Variants in CDH4 observed in about 807,000 individuals in gnomAD.
The protein encoded by CDH4 is cadherin 4.
CDH4 carries 33 observed loss-of-function variants against 86.0 expected under a neutral mutation model. The ratio of observed to expected loss-of-function variants is 0.38; its 90% CI spans 0.29 to 0.51. CDH4 has a LOEUF of 0.51. CDH4 is among the 20% of genes least tolerant of loss of function. The pLI is 0.86. For missense variants in CDH4, 1,114 were observed against 1,307.4 expected, an observed-to-expected ratio of 0.85 and a Z score of 2.28; for synonymous variants, 555 against 549.4, an observed-to-expected ratio of 1.01 and a Z score of -0.14.
chr20:61,852,930 C>T (rs1294484210), intron 6 of CDH4, 32 bp downstream of exon 6: 1 of 1,610,404 alleles, frequency 6.2e-7, no homozygotes, highest in Non-Finnish European at 8.5e-7. Flanking sequence ...TGCTGGAGAC[C>T]CTGTGGGCTC....
intron 2 of CDH4, among the ~76,000 whole-genome samples, chr20:61,496,956 A>ATTTTTT (rs59603072): frequency 9.2e-6 from 1 of 108,590 alleles, no homozygotes. Flanking sequence ...TTGGGGATTG[A>ATTTTTT]TTTTTTTTTT....
At chr20:61,737,045 G>A (rs2088274860) in intron 2 of CDH4, among the ~76,000 whole-genome samples, 1 of 152,172 alleles carries the variant, frequency 6.6e-6, no homozygotes, top group Admixed American at 6.5e-5. Flanking sequence ...GGATTCTCTG[G>A]TGTGCAGCCC....
At chr20:61,921,198 C>CATG (rs1555859308) in intron 9 of CDH4, among the ~76,000 whole-genome samples, 2 of 143,160 alleles carry the variant, frequency 1.4e-5, no homozygotes, top group African/African-American at 5.2e-5. Context: ...AGCGTGGTGT[C>CATG]GTGATTGCAT....
At chr20:61,652,938 A>ATTTTTATTTTTTTTTTTTTTTTTT (rs2087138479) in intron 2 of CDH4, among the ~76,000 whole-genome samples, 1 of 97,402 alleles carries the variant, frequency 1.0e-5, no homozygotes, top group Non-Finnish European at 2.4e-5. Flanking sequence ...TTATTTATTT[A>ATTTTTATTTTTTTTTTTTTTTTTT]TTTTTTTTTT....
chr20:61,550,238 T>A (rs1216745849), intron 2 of CDH4, among the ~76,000 whole-genome samples: 56 of 137,262 alleles, frequency 4.1e-4, no homozygotes, highest in Non-Finnish European at 6.4e-4. Flanking sequence ...CCCCAACTTC[T>A]CTGGCTTTCC....
chr20:61,600,248 C>T (rs1180405605), intron 2 of CDH4, among the ~76,000 whole-genome samples: 1 of 152,214 alleles, frequency 6.6e-6, no homozygotes, highest in Non-Finnish European at 1.5e-5. Flanking sequence ...CAGAGGGTGT[C>T]GGGGTCAATG....
At chr20:61,418,147 G>T (rs572937651) in intron 2 of CDH4, among the ~76,000 whole-genome samples, 1 of 152,096 alleles carries the variant, frequency 6.6e-6, no homozygotes, top group Non-Finnish European at 1.5e-5. Context: ...AAGAGACAGA[G>T]AAGACAGATG....
intron 2 of CDH4, among the ~76,000 whole-genome samples, chr20:61,730,090 C>T (rs1258368739): frequency 1.3e-5 from 2 of 152,136 alleles, no homozygotes; most frequent in Non-Finnish European, 2.9e-5. Flanking sequence ...TAACGTCTTG[C>T]ATTCGTGTGT....
intron 15 of CDH4, among the ~76,000 whole-genome samples, chr20:61,935,697 CCAACATGGT>C (rs1318490918): frequency 6.6e-6 from 1 of 152,036 alleles, no homozygotes; most frequent in Non-Finnish European, 1.5e-5. Context: ...ACCAGACTGG[CCAACATGGT>C]GAGACCCCCG....
At chr20:61,441,681 A>G (rs1163056504) in intron 2 of CDH4, among the ~76,000 whole-genome samples, 1 of 152,220 alleles carries the variant, frequency 6.6e-6, no homozygotes, top group Non-Finnish European at 1.5e-5. Flanking sequence ...GCACACATAG[A>G]AAGTACCATT....
rs71185912 is a variant in CDH4, at chr20:61,282,547, A to ATGTGTGTGTGTG, written c.169+27624_169+27635dup. Among the ~76,000 whole-genome samples the ATGTGTGTGTGTG allele has an allele frequency of 5.8e-4, 75 of 130,222 alleles. 1 individual carries two copies. Among genetic ancestry groups the ATGTGTGTGTGTG allele is most frequent in the African/African-American group, 1.9e-3 (68 of 35,614 alleles). The allele number at this position is 130,222 out of a possible 152,430, so 85.4% of individuals were successfully genotyped here. On this transcript the variant is annotated intron_variant, in intron 2 of 15. Transcript: ENST00000614565. ...TTAATCTTTGGCATGGTGTGTGTGC[A>ATGTGTGTGTGTG]TGTGTGTGTGTGTGTGTGTGTGTGT...
intron 6 of CDH4, among the ~76,000 whole-genome samples, chr20:61,856,389 C>G (rs1378843709): frequency 3.1e-5 from 4 of 128,168 alleles, no homozygotes; most frequent in African/African-American, 1.2e-4. Flanking sequence ...TCTCCAGCCC[C>G]CCGGGATTCA....
At chr20:61,700,712 G>T (rs192761162) in intron 2 of CDH4, among the ~76,000 whole-genome samples, 1 of 152,068 alleles carries the variant, frequency 6.6e-6, no homozygotes, top group Admixed American at 6.5e-5. Flanking sequence ...CACCCTATAC[G>T]GCCTCACTGT....
intron 2 of CDH4, among the ~76,000 whole-genome samples, chr20:61,446,676 T>C (rs2085351933): frequency 6.6e-6 from 1 of 152,226 alleles, no homozygotes. Flanking sequence ...ACTGAAGAAC[T>C]AGAATGGTTT....
chr20:61,905,835 C>A (rs2054782776), intron 8 of CDH4, among the ~76,000 whole-genome samples: 1 of 152,076 alleles, frequency 6.6e-6, no homozygotes, highest in Non-Finnish European at 1.5e-5. Flanking sequence ...AACCAGGAAG[C>A]CTCACTAATG....
intron 2 of CDH4, among the ~76,000 whole-genome samples, chr20:61,340,475 C>A (rs564115111): frequency 6.6e-6 from 1 of 152,176 alleles, no homozygotes; most frequent in Non-Finnish European, 1.5e-5. Flanking sequence ...CTTGGACTTT[C>A]CAAATAGGAT....
intron 2 of CDH4, among the ~76,000 whole-genome samples, chr20:61,585,217 G>A (rs1444160693): frequency 6.6e-6 from 1 of 152,230 alleles, no homozygotes; most frequent in Admixed American, 6.5e-5. Flanking sequence ...CATCAGCATG[G>A]ATGGGTGCTG....
chr20:61,549,790 A>C (rs528819315), intron 2 of CDH4, among the ~76,000 whole-genome samples: 58 of 152,348 alleles, frequency 3.8e-4, no homozygotes, highest in African/African-American at 1.3e-3. Flanking sequence ...ATGAGCGCTT[A>C]GCGCATGGGA....
At chr20:61,613,281 T>C (rs2086699468) in intron 2 of CDH4, among the ~76,000 whole-genome samples, 1 of 152,116 alleles carries the variant, frequency 6.6e-6, no homozygotes, top group African/African-American at 2.4e-5. Flanking sequence ...GAGACACAGC[T>C]GCTGCCTTCC....
Sources: gnomAD v4.1 joint callset for allele counts (sites outside exome capture counted in the v4.1 genomes callset) on GRCh38, gnomAD v4.1.1 for gene constraint, MANE v1.5 for transcripts, NCBI Gene and HGNC (gene_info 2026-07-23, HGNC 2026-07-21) for gene names.